SCAPER: variants seen among roughly 807,000 people sequenced by gnomAD.
SCAPER encodes the protein S-phase cyclin A associated protein in the ER.
In SCAPER, 98 loss-of-function variants were observed where a neutral mutation model predicts 182.2. The observed-to-expected ratio is 0.54, with a 90% CI of 0.46 to 0.64. SCAPER has a LOEUF of 0.64. SCAPER is among the 30% of genes least tolerant of loss of function. The pLI is 0.00. For synonymous variants in SCAPER, 605 were observed against 564.6 expected (o/e 1.07, Z -1.01); for missense variants, 1,432 against 1,690.0 (o/e 0.85, Z 2.68).
chr15:76,683,897 G>A (rs1022476653), intron 20 of SCAPER, among the ~76,000 whole-genome samples: 2 of 152,080 alleles, frequency 1.3e-5, no homozygotes, highest in African/African-American at 4.8e-5. Context: ...GCCAAGAGTT[G>A]GAGTTCAGCC....
chr15:76,625,873 C>G (rs1426383177), intron 21 of SCAPER, among the ~76,000 whole-genome samples: 1 of 152,150 alleles, frequency 6.6e-6, no homozygotes, highest in Admixed American at 6.5e-5. Flanking sequence ...CCTCACTTTC[C>G]TCTCCTATCT....
intron 25 of SCAPER, among the ~76,000 whole-genome samples, chr15:76,442,219 C>T (rs1191035206): frequency 1.3e-5 from 2 of 152,182 alleles, no homozygotes; most frequent in Non-Finnish European, 2.9e-5. Flanking sequence ...CTATGAGGTA[C>T]ATCTTTTCTT....
In SCAPER at chr15:76,485,429, G is replaced by A. The variant is rs537270928; in HGVS notation, c.2955-14094C>T. Among the ~76,000 whole-genome samples, 4 of 152,244 alleles carry A rather than the reference G, an allele frequency of 2.6e-5. No homozygotes were observed. In the East Asian group the frequency reaches 7.7e-4, roughly 29 times the overall value. ...AATATTCCATGCTTATGGATAGAAA[G>A]ACTCAATATCGTTAAAATGGCCATA... is the stretch of plus-strand genomic sequence containing the variant. On this transcript the variant is annotated intron_variant, in intron 24 of 31. Coordinates refer to ENST00000563290, the MANE Select transcript of SCAPER (RefSeq NM_020843.4).
intron 16 of SCAPER, among the ~76,000 whole-genome samples, chr15:76,729,543 G>A (rs1313925794): frequency 2.0e-5 from 3 of 152,102 alleles, no homozygotes; most frequent in Non-Finnish European, 4.4e-5. Flanking sequence ...GAAGGAGAAA[G>A]AGGTAATACA....
In SCAPER at chr15:76,497,124, T is replaced by TTTTTTTTTTTTC. The variant is rs1555456895; in HGVS notation, c.2954+7734_2954+7735insGAAAAAAAAAAA. On this transcript the variant is annotated intron_variant, in intron 24 of 31. Coordinates refer to ENST00000563290, the MANE Select transcript of SCAPER (RefSeq NM_020843.4). ...TTGGTCTCCTCTTTTTTTTTTTTTT[T>TTTTTTTTTTTTC]CCCAAAACGGCCTTCCTTAGTCCTG... Among the ~76,000 whole-genome samples, 360 of 139,454 alleles carry TTTTTTTTTTTTC rather than the reference T, an allele frequency of 2.6e-3. 5 individuals carry two copies. Among genetic ancestry groups the TTTTTTTTTTTTC allele is most frequent in the African/African-American group, 7.2e-3 (256 of 35,400 alleles). 91.5% of individuals were successfully genotyped at this position (139,454 alleles called of 152,430 possible).
chr15:76,424,151 C>G (rs972887009), intron 26 of SCAPER, among the ~76,000 whole-genome samples: 1 of 152,162 alleles, frequency 6.6e-6, no homozygotes, highest in Non-Finnish European at 1.5e-5. Context: ...TGGTGCAGAG[C>G]TGAGTTCAAT....
At chr15:76,743,358 C>T (rs375951017) in intron 15 of SCAPER, among the ~76,000 whole-genome samples, 11 of 152,216 alleles carry the variant, frequency 7.2e-5, no homozygotes, top group East Asian at 3.9e-4. Context: ...ACAGTATTTA[C>T]ATTAGCAAGA....
intron 8 of SCAPER, among the ~76,000 whole-genome samples, chr15:76,786,789 G>A (rs983680223): frequency 1.3e-5 from 2 of 152,084 alleles, no homozygotes; most frequent in Non-Finnish European, 2.9e-5. Context: ...AGAATTATAT[G>A]GGTTCAGTAA....
intron 26 of SCAPER, among the ~76,000 whole-genome samples, chr15:76,409,102 C>T (rs774587996): frequency 3.9e-5 from 6 of 152,104 alleles, no homozygotes; most frequent in Non-Finnish European, 8.8e-5. Flanking sequence ...ACTGCATGGA[C>T]AATCTTTAAA....
chr15:76,672,274 TAA>T (rs934342619), intron 20 of SCAPER, among the ~76,000 whole-genome samples: 2 of 152,222 alleles, frequency 1.3e-5, no homozygotes, highest in African/African-American at 4.8e-5. Context: ...CATGTCCTTC[TAA>T]AAGTTTCATA....
chr15:76,421,761 C>G (rs1429471269), intron 26 of SCAPER, among the ~76,000 whole-genome samples: 3 of 152,172 alleles, frequency 2.0e-5, no homozygotes, highest in African/African-American at 7.2e-5. Flanking sequence ...TTAGGTCTAA[C>G]ATGTAAGTCT....
At chr15:76,561,853 T>C (rs560197688) in intron 23 of SCAPER, among the ~76,000 whole-genome samples, 55 of 149,012 alleles carry the variant, frequency 3.7e-4, no homozygotes, top group African/African-American at 1.3e-3. Flanking sequence ...TTAATTAATA[T>C]GAGGCAGAGG....
intron 21 of SCAPER, among the ~76,000 whole-genome samples, chr15:76,630,457 A>T (rs945961685): frequency 6.6e-6 from 1 of 152,156 alleles, no homozygotes; most frequent in Admixed American, 6.5e-5. Flanking sequence ...TTTGCCTCTT[A>T]ACATTGCTTT....
Position 76,370,291 on chromosome 15 carries a change from ATTTTTT to A in SCAPER, c.3855+5865_3855+5870del, listed in dbSNP as rs10524497. Among the ~76,000 whole-genome samples, 593 of 119,432 alleles carry A rather than the reference ATTTTTT, an allele frequency of 5.0e-3. 2 individuals are homozygous for A. Among genetic ancestry groups the A allele is most frequent in the African/African-American group, 0.017 (475 of 27,202 alleles). The allele number at this position is 119,432 out of a possible 152,430, so 78.4% of individuals were successfully genotyped here. ...GTATAACATATAATTTACCATTTCAATTTTTTTTTTTTTTTTTTTTTTTTTGTTTTA... is the reference window on the plus strand; with the variant it reads ...GTATAACATATAATTTACCATTTCAATTTTTTTTTTTTTTTTTTTGTTTTA... On this transcript the variant is annotated intron_variant, in intron 29 of 31. Transcript: ENST00000563290.
At chr15:76,886,461 C>A (rs1313385761) in intron 1 of SCAPER, among the ~76,000 whole-genome samples, 2 of 152,258 alleles carry the variant, frequency 1.3e-5, no homozygotes, top group African/African-American at 2.4e-5. Flanking sequence ...GCCTGGGCAA[C>A]AGAGTGAGAC....
At chr15:76,746,820 A>G (rs1176134101) in intron 15 of SCAPER, among the ~76,000 whole-genome samples, 1 of 152,258 alleles carries the variant, frequency 6.6e-6, no homozygotes, top group African/African-American at 2.4e-5. Context: ...AAGCAGTGAA[A>G]TACTTGTATG....
intron 27 of SCAPER, among the ~76,000 whole-genome samples, chr15:76,399,902 G>A (rs537883339): frequency 1.3e-5 from 2 of 152,018 alleles, no homozygotes; most frequent in Admixed American, 1.3e-4. Flanking sequence ...CTATTCGGGA[G>A]GCTGAGGCAG....
intron 2 of SCAPER, 24 bp downstream of exon 2, chr15:76,883,788 G>C: frequency 6.7e-7 from 1 of 1,495,940 alleles, no homozygotes; most frequent in Non-Finnish European, 9.0e-7. Context: ...AAAAACTAAG[G>C]CTAGTCTTTA....
intron 17 of SCAPER, among the ~76,000 whole-genome samples, chr15:76,722,091 G>C (rs1047329935): frequency 1.3e-5 from 2 of 152,116 alleles, no homozygotes; most frequent in Non-Finnish European, 2.9e-5. Context: ...ATTATTTTGA[G>C]ATTTGTCCCA....
Sources: allele counts gnomAD v4.1 joint callset (sites outside exome capture counted in the v4.1 genomes callset), GRCh38; gene constraint gnomAD v4.1.1; transcripts MANE v1.5; gene names NCBI Gene and HGNC (gene_info 2026-07-23, HGNC 2026-07-21).